Variants in TTC28 observed in about 807,000 individuals in gnomAD.
TTC28 encodes tetratricopeptide repeat domain 28.
In TTC28, 61 loss-of-function variants were observed where a neutral mutation model predicts 198.0. That is an observed-to-expected ratio of 0.31 (90% CI 0.25 to 0.38). The LOEUF is 0.38. TTC28 is among the 10% of genes least tolerant of loss of function. The pLI, the probability that TTC28 is intolerant of heterozygous loss-of-function variation, is 1.00. For missense variants in TTC28, 2,678 were observed against 3,164.0 expected, an observed-to-expected ratio of 0.85 and a Z score of 3.69; for synonymous variants, 1,171 against 1,297.8, an observed-to-expected ratio of 0.90 and a Z score of 2.10.
At chr22:28,551,863 G>C (rs576441762) in intron 2 of TTC28, among the ~76,000 whole-genome samples, 5 of 152,228 alleles carry the variant, frequency 3.3e-5, no homozygotes, top group Middle Eastern at 3.4e-3. Context: ...ACATAGTACC[G>C]GAAGTCCTAG....
chr22:28,157,618 T>C (rs1943777864), intron 6 of TTC28, among the ~76,000 whole-genome samples: 1 of 152,160 alleles, frequency 6.6e-6, no homozygotes, highest in South Asian at 2.1e-4. Flanking sequence ...ATGGCAAGGA[T>C]GGTTCAATAA....
At chr22:28,230,490 C>T (rs1928718129) in intron 5 of TTC28, among the ~76,000 whole-genome samples, 1 of 152,154 alleles carries the variant, frequency 6.6e-6, no homozygotes, top group Admixed American at 6.6e-5. Flanking sequence ...TCTTTGTCTT[C>T]TCATTGCCCA....
chr22:28,643,646 C>T (rs2051405643), intron 1 of TTC28, among the ~76,000 whole-genome samples: 1 of 152,148 alleles, frequency 6.6e-6, no homozygotes, highest in Non-Finnish European at 1.5e-5. Flanking sequence ...TTTGAAACTT[C>T]TTTTAGCTGA....
chr22:28,375,111 AT>A (rs751086285), intron 2 of TTC28, among the ~76,000 whole-genome samples: 2 of 152,074 alleles, frequency 1.3e-5, no homozygotes, highest in Non-Finnish European at 2.9e-5. Context: ...TAATAAAAAA[AT>A]AATAATAGAA....
Position 28,624,329 on chromosome 22 carries a change from C to T in TTC28, c.381+5223G>A, listed in dbSNP as rs146639141. Among the ~76,000 whole-genome samples the T allele has an allele frequency of 9.9e-3, 1,501 of 151,394 alleles. 34 individuals carry two copies. The highest frequency in any genetic ancestry group is 0.082 in the East Asian group (424 of 5,150). ...GGAGGCAGAGCTTGCAGTGAGCTGA[C>T]ATCACACCACTGCACTCCAGACTGG... On this transcript the variant is annotated intron_variant, in intron 2 of 22. Coordinates refer to ENST00000397906, the MANE Select transcript of TTC28 (RefSeq NM_001145418.2).
At position 28,679,732 on chromosome 22, in the gene TTC28, G is replaced by T; in HGVS notation, c.-9C>A. The T allele has an allele frequency of 8.2e-7, 1 of 1,219,208 alleles. No individual in the cohort carries two copies. Among genetic ancestry groups the T allele is most frequent in the Non-Finnish European group, 1.0e-6 (1 of 978,192 alleles). The allele number at this position is 1,219,208 out of a possible 1,614,324, so 75.5% of individuals were successfully genotyped here. A position where few individuals can be genotyped will look rare whatever the true frequency, so the allele number is the denominator to read the frequency against. On this transcript the variant is annotated 5_prime_UTR_variant, in exon 1 of 23. Transcript: ENST00000397906. ...GGCGGCGACTGCTCCATCCCCACGGGGCCCGGGCCGCGTCCGCCTCGAGCT... is the reference window on the plus strand; with the variant it reads ...GGCGGCGACTGCTCCATCCCCACGGTGCCCGGGCCGCGTCCGCCTCGAGCT...
At chr22:28,521,568 G>A (rs1179616894) in intron 2 of TTC28, among the ~76,000 whole-genome samples, 1 of 152,148 alleles carries the variant, frequency 6.6e-6, no homozygotes, top group Non-Finnish European at 1.5e-5. Context: ...CTGGGAAAAG[G>A]TCAAGAGGCT....
Position 28,642,098 on chromosome 22 carries a change from A to C in TTC28, c.103-12268T>G, listed in dbSNP as rs561552480. On this transcript the variant is annotated intron_variant, in intron 1 of 22. Transcript: ENST00000397906. The stretch of plus-strand genomic sequence containing the variant: ...GCAGAATCTGTTAAGTAGTAAAACT[A>C]TTACTTTTATTAGACCATATTGAGT... Among the ~76,000 whole-genome samples the C allele has an allele frequency of 2.0e-5, 3 of 152,216 alleles. No homozygotes were observed. The South Asian group carries it at 6.2e-4, about 32-fold the overall frequency.
At chr22:28,343,597 A>T (rs931410915) in intron 2 of TTC28, among the ~76,000 whole-genome samples, 2 of 152,132 alleles carry the variant, frequency 1.3e-5, no homozygotes, top group African/African-American at 4.8e-5. Context: ...AAATTTCAAC[A>T]GATTACTTTT....
intron 5 of TTC28, among the ~76,000 whole-genome samples, chr22:28,258,090 T>C (rs1446328783): frequency 6.6e-6 from 1 of 152,088 alleles, no homozygotes; most frequent in Non-Finnish European, 1.5e-5. Context: ...TTTATAAACA[T>C]ACTATAGTTG....
intron 5 of TTC28, among the ~76,000 whole-genome samples, chr22:28,261,435 G>A (rs1386672915): frequency 1.3e-5 from 2 of 152,136 alleles, no homozygotes; most frequent in Non-Finnish European, 2.9e-5. Context: ...GTTAGAAAGA[G>A]AAAAGGAGCT....
At chr22:28,554,708 T>C (rs1038650304) in intron 2 of TTC28, among the ~76,000 whole-genome samples, 10 of 151,852 alleles carry the variant, frequency 6.6e-5, no homozygotes, top group Non-Finnish European at 1.2e-4. Flanking sequence ...CCATCTCTAC[T>C]AAAAATACAA....
At chr22:28,170,980 C>CTTTTTTTTTTT (rs76585422) in intron 5 of TTC28, among the ~76,000 whole-genome samples, 68 of 132,784 alleles carry the variant, frequency 5.1e-4, no homozygotes, top group African/African-American at 1.7e-3. Context: ...GCCACTCATT[C>CTTTTTTTTTTT]TTTTTTTTTT....
chr22:28,276,481 T>C (rs1284343186), intron 5 of TTC28, among the ~76,000 whole-genome samples: 1 of 152,162 alleles, frequency 6.6e-6, no homozygotes, highest in Admixed American at 6.5e-5. Flanking sequence ...TTTGATTAGA[T>C]AGATGGGTAG....
intron 4 of TTC28, among the ~76,000 whole-genome samples, chr22:28,297,182 G>A (rs2044914775): frequency 6.6e-6 from 1 of 152,032 alleles, no homozygotes; most frequent in Admixed American, 6.6e-5. Context: ...AACAGAGAAT[G>A]TTCTAGAGGC....
chr22:28,549,861 T>G (rs2049626187), intron 2 of TTC28, among the ~76,000 whole-genome samples: 1 of 152,208 alleles, frequency 6.6e-6, no homozygotes, highest in Non-Finnish European at 1.5e-5. Context: ...AGATTGGAGA[T>G]CACCGATTTC....
chr22:28,423,385 G>A (rs765790640), intron 2 of TTC28, among the ~76,000 whole-genome samples: 11 of 151,644 alleles, frequency 7.3e-5, no homozygotes, highest in East Asian at 1.9e-4. Flanking sequence ...GCGAGACTCC[G>A]TATCAGAAAA....
chr22:28,018,029 C>G (rs1365013112), intron 13 of TTC28, among the ~76,000 whole-genome samples: 1 of 152,204 alleles, frequency 6.6e-6, no homozygotes, highest in African/African-American at 2.4e-5. Flanking sequence ...CCTCTGCCCC[C>G]CTAGATGCCA....
At chr22:28,220,288 C>A (rs1927754057) in intron 5 of TTC28, among the ~76,000 whole-genome samples, 1 of 152,126 alleles carries the variant, frequency 6.6e-6, no homozygotes, top group African/African-American at 2.4e-5. Context: ...TGCTGAGTAA[C>A]AATATTTCCA....
Sources: gnomAD v4.1 joint callset for allele counts (sites outside exome capture counted in the v4.1 genomes callset) on GRCh38, gnomAD v4.1.1 for gene constraint, MANE v1.5 for transcripts, NCBI Gene and HGNC (gene_info 2026-07-23, HGNC 2026-07-21) for gene names.